Variants in CCDC71 observed in about 807,000 individuals in gnomAD.
CCDC71 encodes the protein coiled-coil domain-containing protein 71.
For missense variants in CCDC71, 594 were observed against 604.0 expected (o/e 0.98, Z 0.17); for synonymous variants, 257 against 242.2 (o/e 1.06, Z -0.57).
In CCDC71 at chr3:49,163,411, A is replaced by G. The variant is rs2045704475; in HGVS notation, c.798T>C (p.Ser266=). The part of the protein sequence containing the change: ...SKTNRATGSP[S]VRRMKGGSAL... ...CAGAGCCCCCTTTCATTCGCCGGACACTGGGGGACCCAGTGGCTCTGTTGG... is the reference window on the plus strand; with the variant it reads ...CAGAGCCCCCTTTCATTCGCCGGACGCTGGGGGACCCAGTGGCTCTGTTGG... The change falls in exon 2 of 2, where the codon AGT becomes AGC. Residue 266 remains serine (S), a synonymous_variant. Coordinates refer to ENST00000321895, the MANE Select transcript of CCDC71 (RefSeq NM_022903.4). 1.2e-6 allele frequency: 2 copies of G among 1,614,028 alleles called. No individual in the cohort carries two copies. The highest frequency in any genetic ancestry group is 2.7e-5 in the African/African-American group (2 of 74,950).
rs773532662 is a variant in CCDC71 at position 49,163,030 on chromosome 3, A to G, written c.1179T>C (p.Ala393=). ...TGGGAGGAAGATCTTTTGCCTCCTC[A>G]GCCCTTTTCCTCTTCTGCCCAACAG... ...PETVGQKRKR[A]EEAKDLPPKK... Residue 393 remains alanine (A), a synonymous_variant, in exon 2 of 2, where the codon GCT becomes GCC. Coordinates refer to ENST00000321895, the MANE Select transcript of CCDC71 (RefSeq NM_022903.4). 4.3e-6 allele frequency: 7 copies of G among 1,614,236 alleles called. No homozygotes were observed. In the East Asian group the frequency reaches 1.6e-4, roughly 36 times the overall value.
Position 49,162,909 on chromosome 3 carries a change from G to A in CCDC71, c.1300C>T (p.Arg434Trp), listed in dbSNP as rs1006250262. Residue 434 changes from arginine (R) to tryptophan (W), a missense_variant, in exon 2 of 2, where the codon CGG becomes TGG. By Grantham distance (101) the Arg-to-Trp change is moderately radical (BLOSUM62 -3). Transcript: ENST00000321895. ...LKFRAIKVDR[R>W]SSDDEVRQRA... Reference sequence around the variant, plus strand: ...TGCCGCACCTCATCATCCGAGGACCGCCTATCTACCTTTATGGCACGGAAC... The same window carrying A: ...TGCCGCACCTCATCATCCGAGGACCACCTATCTACCTTTATGGCACGGAAC... The A allele has an allele frequency of 2.2e-5, 35 of 1,614,132 alleles. No homozygotes were observed. The highest frequency in any genetic ancestry group is 2.4e-5 in the Non-Finnish European group (28 of 1,180,062).
In CCDC71 at chr3:49,166,107, C is replaced by G. The variant is rs1358616475; in HGVS notation, c.-53+160G>C. ...TAGCCCTACCGGGACCGCACAGCCC[C>G]AGGGTGGGGTCGCTGGGCGCGGGGT... is the stretch of plus-strand genomic sequence containing the variant. On this transcript the variant is annotated intron_variant, in intron 1 of 1. Transcript: ENST00000321895. This position sits in a 1 kb window ranked among gnomAD's most constrained non-coding sequence, Gnocchi z 4.0. Among the ~76,000 whole-genome samples, 1 of 136,008 alleles carries G rather than the reference C, an allele frequency of 7.4e-6. No homozygotes were observed. The highest frequency in any genetic ancestry group is 1.6e-5 in the Non-Finnish European group (1 of 63,300). The allele number at this position is 136,008 out of a possible 152,430, so 89.2% of individuals were successfully genotyped here.
intron 1 of CCDC71, among the ~76,000 whole-genome samples, chr3:49,164,971 C>T (rs2045714700): frequency 1.3e-5 from 2 of 152,162 alleles, no homozygotes; most frequent in African/African-American, 4.8e-5. Context: ...TGCTGCTGTT[C>T]ATGTGTGGAG....
chr3:49,162,813 C>T lies in CCDC71; in HGVS notation c.1396G>A (p.Ala466Thr). Reference protein sequence around the residue: ...IRLQPLLPYSAV With the variant: ...IRLQPLLPYSTV Reference sequence around the variant, plus strand: ...ATTGCCGTGTGAAGGAATCAGACTGCTGAATATGGCAGCAATGGCTGGAGC... The same window carrying T: ...ATTGCCGTGTGAAGGAATCAGACTGTTGAATATGGCAGCAATGGCTGGAGC... Residue 466 changes from alanine to threonine, a missense_variant, in exon 2 of 2, where the codon GCA becomes ACA. Physicochemically the swap from Ala to Thr is moderately conservative, Grantham distance 58. Transcript: ENST00000321895. 1 of 1,613,346 alleles carries T rather than the reference C, an allele frequency of 6.2e-7. No homozygotes were observed.
Position 49,163,331 on chromosome 3 carries a change from G to A in CCDC71, c.878C>T (p.Ala293Val). 1 of 1,613,866 alleles carries A rather than the reference G, an allele frequency of 6.2e-7. No homozygotes were observed. The highest frequency in any genetic ancestry group is 2.2e-5 in the East Asian group (1 of 44,876). Residue 293 changes from alanine to valine, a missense_variant, in exon 2 of 2, where the codon GCT (alanine) becomes GTT (valine). Coordinates refer to ENST00000321895, the MANE Select transcript of CCDC71 (RefSeq NM_022903.4). ...TCGAGCCACCTTGGCTTGGGCACGA[G>A]CAGCTTTGGCCAGTGTTCGAGCTAC... ...AKVARTLAKA[A>V]RAQAKVARTQ... is the part of the protein sequence containing the mutation.
chr3:49,164,453 G>A (rs2045711210), intron 1 of CCDC71, among the ~76,000 whole-genome samples, 193 bp from the exon 2 acceptor site: 1 of 152,168 alleles, frequency 6.6e-6, no homozygotes, highest in African/African-American at 2.4e-5. Flanking sequence ...AAGGATCAGG[G>A]AGTTTCTTCA....
rs1387523430 is a variant in CCDC71 at position 49,163,160 on chromosome 3, C to T, written c.1049G>A (p.Arg350Gln). The T allele has an allele frequency of 7.0e-6, 11 of 1,581,942 alleles. No homozygotes were observed. The highest frequency in any genetic ancestry group is 3.4e-5 in the Admixed American group (2 of 57,988). ...GGTCCGAGCCACCTTGGCCTTGGCC[C>T]GTACTGCCTTGGCTTTAGCCTTGGC... ...AKAKAKAKAV[R>Q]AKAKVARTQP... is the part of the protein sequence containing the mutation. The change falls in exon 2 of 2, where the codon CGG becomes CAG. Residue 350 changes from arginine (R) to glutamine (Q), a missense_variant. Coordinates refer to ENST00000321895, the MANE Select transcript of CCDC71 (RefSeq NM_022903.4).
intron 1 of CCDC71, among the ~76,000 whole-genome samples, chr3:49,165,351 CCCAGA>C (rs1243121076): frequency 6.6e-6 from 1 of 152,234 alleles, no homozygotes; most frequent in African/African-American, 2.4e-5. Flanking sequence ...CCTAACTACT[CCCAGA>C]CTTCTTTAAA....
In CCDC71 at chr3:49,166,051, G is replaced by C. The variant is rs918736371; in HGVS notation, c.-53+216C>G. 6.6e-6 allele frequency among the ~76,000 whole-genome samples: 1 copy of C among 152,012 alleles called. No individual in the cohort carries two copies. Among genetic ancestry groups the C allele is most frequent in the Non-Finnish European group, 1.5e-5 (1 of 67,958 alleles). Reference sequence around the variant, plus strand: ...CCCAAGCCGTGAGGCGGGGGTCACTGAGGCAGCGAAATGTACAGGGTGAAC... The same window carrying C: ...CCCAAGCCGTGAGGCGGGGGTCACTCAGGCAGCGAAATGTACAGGGTGAAC... On this transcript the variant is annotated intron_variant, in intron 1 of 1. Coordinates refer to ENST00000321895, the MANE Select transcript of CCDC71 (RefSeq NM_022903.4). The surrounding 1 kb of genome is among the most constrained non-coding windows in gnomAD (Gnocchi z 4.0).
Position 49,163,602 on chromosome 3 carries a change from G to C in CCDC71, c.607C>G (p.Leu203Val). The change falls in exon 2 of 2, where the codon CTC (leucine) becomes GTC (valine). Residue 203 changes from leucine to valine, a missense_variant. By Grantham distance (32) the Leu-to-Val change is conservative. Transcript: ENST00000321895. ...GAKHKAQSLQ[L>V]SLADSPLKLR... ...TTCAGAGGAGAGTCTGCAAGTGAGAGCTGCAGTGACTGTGCCTTGTGCTTG... is the reference window on the plus strand; with the variant it reads ...TTCAGAGGAGAGTCTGCAAGTGAGACCTGCAGTGACTGTGCCTTGTGCTTG... The C allele has an allele frequency of 6.2e-7, 1 of 1,614,234 alleles. No homozygotes were observed. Among genetic ancestry groups the C allele is most frequent in the Non-Finnish European group, 8.5e-7 (1 of 1,180,034 alleles).
chr3:49,162,977 G>A lies in CCDC71; in HGVS notation c.1232C>T (p.Ser411Phe). The change falls in exon 2 of 2, where the codon TCT (serine) becomes TTT (phenylalanine). Residue 411 changes from serine to phenylalanine, a missense_variant. Coordinates refer to ENST00000321895, the MANE Select transcript of CCDC71 (RefSeq NM_022903.4). ...PKKRTRLGPR[S>F]PKAWLGPGTA... is the part of the protein sequence containing the mutation. ...TCCAGGCCCTAGCCATGCCTTAGGA[G>A]ATCGGGGCCCAAGCCGTGTTCTCTT... The A allele has an allele frequency of 6.2e-7, 1 of 1,614,280 alleles. No homozygotes were observed. Among genetic ancestry groups the A allele is most frequent in the East Asian group, 2.2e-5 (1 of 44,886 alleles).
chr3:49,163,807 G>A lies in CCDC71; in HGVS notation c.402C>T (p.Ala134=). ...GCAGCAGGTTGGTGGTAGCATGCTT[G>A]GCAAGGGCTGGTGTGGATGCTTTGG... ...RLAKASTPAL[A]KHATTNLLLS... The change falls in exon 2 of 2, where the codon GCC becomes GCT. Residue 134 remains alanine (A), a synonymous_variant. Coordinates refer to ENST00000321895, the MANE Select transcript of CCDC71 (RefSeq NM_022903.4). 6.2e-7 allele frequency: 1 copy of A among 1,614,162 alleles called. No individual in the cohort carries two copies.
In CCDC71 at chr3:49,164,188, A is replaced by G. The variant is rs1195244683; in HGVS notation, c.21T>C (p.His7=). The change falls in exon 2 of 2, where the codon CAT becomes CAC. Residue 7 remains histidine (H), a synonymous_variant. Coordinates refer to ENST00000321895, the MANE Select transcript of CCDC71 (RefSeq NM_022903.4). The part of the protein sequence containing the change: MSVVVQ[H]VEEKAVHSWS... The stretch of plus-strand genomic sequence containing the variant: ...AGGAGTGCACAGCTTTTTCCTCCAC[A>G]TGCTGAACCACCACACTCATGGCAT... 3 of 1,609,508 alleles carry G rather than the reference A, an allele frequency of 1.9e-6. No homozygotes were observed. Among genetic ancestry groups the G allele is most frequent in the East Asian group, 2.2e-5 (1 of 44,736 alleles).
chr3:49,163,478 G>A lies in CCDC71; in HGVS notation c.731C>T (p.Pro244Leu), dbSNP rs1347396894. The A allele has an allele frequency of 6.8e-6, 11 of 1,614,146 alleles. No individual in the cohort carries two copies. Among genetic ancestry groups the A allele is most frequent in the South Asian group, 1.1e-5 (1 of 91,094 alleles). The change falls in exon 2 of 2, where the codon CCT becomes CTT. Residue 244 changes from proline to leucine, a missense_variant. Pro to Leu is a moderately conservative substitution (Grantham distance 98). Transcript: ENST00000321895. ...KGPKCLTRKG[P>L]GAGPRRGSGH... ...AGAGCCTCGTCGGGGTCCAGCCCCAGGGCCTTTGCGAGTCAGACACTTGGG... is the reference window on the plus strand; with the variant it reads ...AGAGCCTCGTCGGGGTCCAGCCCCAAGGCCTTTGCGAGTCAGACACTTGGG...
At position 49,162,704 on chromosome 3, in the gene CCDC71, G is replaced by A. The variant is rs1134043; in HGVS notation, c.*101C>T. 7.4e-5 allele frequency: 84 copies of A among 1,133,974 alleles called. 1 individual carries two copies. The highest frequency in any genetic ancestry group is 1.7e-4 in the South Asian group (11 of 66,652). The allele number at this position is 1,133,974 out of a possible 1,614,324, so 70.2% of individuals were successfully genotyped here. On this transcript the variant is annotated 3_prime_UTR_variant, in exon 2 of 2. Transcript: ENST00000321895. ...GTCACCAGGGCCCTAGAGAGGCACC[G>A]GGAGTCCTCAAGATTGTGGAGTCCA...
At position 49,163,154 on chromosome 3, in the gene CCDC71, T is replaced by G; in HGVS notation, c.1055A>C (p.Lys352Thr). ...GGGCTGGGTCCGAGCCACCTTGGCC[T>G]TGGCCCGTACTGCCTTGGCTTTAGC... ...AKAKAKAVRA[K>T]AKVARTQPRG... is the part of the protein sequence containing the mutation. Residue 352 changes from lysine to threonine, a missense_variant, in exon 2 of 2, where the codon AAG (lysine) becomes ACG (threonine). Coordinates refer to ENST00000321895, the MANE Select transcript of CCDC71 (RefSeq NM_022903.4). The G allele has an allele frequency of 6.2e-7, 1 of 1,613,094 alleles. No homozygotes were observed. The highest frequency in any genetic ancestry group is 8.5e-7 in the Non-Finnish European group (1 of 1,179,082).
rs762659492 is a variant in CCDC71 at position 49,163,334 on chromosome 3, G to T, written c.875C>A (p.Ala292Asp). The T allele has an allele frequency of 6.2e-7, 1 of 1,613,884 alleles. No homozygotes were observed. Among genetic ancestry groups the T allele is most frequent in the Admixed American group, 1.7e-5 (1 of 60,034 alleles). Residue 292 changes from alanine (A) to aspartate (D), a missense_variant, in exon 2 of 2, where the codon GCT (alanine) becomes GAT (aspartate). Physicochemically the swap from Ala to Asp is moderately radical, Grantham distance 126. Transcript: ENST00000321895. ...AGCCACCTTGGCTTGGGCACGAGCA[G>T]CTTTGGCCAGTGTTCGAGCTACCTT... Reference protein sequence around the residue: ...QAKVARTLAKAARAQAKVART... With the variant: ...QAKVARTLAKDARAQAKVART...
chr3:49,164,886 G>T (rs542522037), intron 1 of CCDC71, among the ~76,000 whole-genome samples: 1 of 152,204 alleles, frequency 6.6e-6, no homozygotes, highest in African/African-American at 2.4e-5. Context: ...CGAGGATAGA[G>T]CAACAAAGAA....
Sources: allele counts gnomAD v4.1 joint callset (sites outside exome capture counted in the v4.1 genomes callset), GRCh38; gene constraint gnomAD v4.1.1; non-coding constraint Gnocchi (gnomAD v3.1); transcripts MANE v1.5; gene names NCBI Gene and HGNC (gene_info 2026-07-23, HGNC 2026-07-21).